The following CAPZB variants were observed in gnomAD, a reference collection of about 807,000 sequenced individuals.
The protein encoded by CAPZB is capping actin protein of muscle Z-line subunit beta, also known as F-actin-capping protein subunit beta.
CAPZB carries 2 observed loss-of-function variants against 38.1 expected under a neutral mutation model. The observed-to-expected ratio is 0.05, with a 90% CI of 0.02 to 0.17. CAPZB has a LOEUF of 0.17. Among genes scored for constraint, CAPZB ranks in the 10% least tolerant of loss-of-function variants. The pLI, the probability that CAPZB is intolerant of heterozygous loss-of-function variation, is 1.00. For missense variants in CAPZB, 161 were observed against 334.2 expected, an observed-to-expected ratio of 0.48 and a Z score of 4.04; for synonymous variants, 107 against 127.4, an observed-to-expected ratio of 0.84 and a Z score of 1.08.
intron 1 of CAPZB, among the ~76,000 whole-genome samples, chr1:19,469,410 T>C (rs1444648452): frequency 6.6e-6 from 1 of 152,140 alleles, no homozygotes; most frequent in Admixed American, 6.5e-5. Context: ...GTGAGGAAAC[T>C]TAAAGAAAAA....
intron 1 of CAPZB, among the ~76,000 whole-genome samples, chr1:19,433,103 A>C (rs1407099169): frequency 6.6e-6 from 1 of 152,204 alleles, no homozygotes; most frequent in African/African-American, 2.4e-5. Context: ...TCTGATCATT[A>C]ATGTTTCACA....
At chr1:19,355,247 A>G (rs2094014076) in intron 6 of CAPZB, among the ~76,000 whole-genome samples, 2 of 152,130 alleles carry the variant, frequency 1.3e-5, no homozygotes, top group Admixed American at 6.5e-5. Flanking sequence ...TAATCCCAAC[A>G]CTTTGGGAGA....
At chr1:19,378,836 A>G (rs915682109) in intron 3 of CAPZB, among the ~76,000 whole-genome samples, 183 bp from the exon 4 acceptor site, 9 of 152,194 alleles carry the variant, frequency 5.9e-5, no homozygotes, top group African/African-American at 1.4e-4. Flanking sequence ...AAGGGCTCTG[A>G]TGCGGGCAGA....
chr1:19,478,197 A>G (rs1276034961), intron 1 of CAPZB, among the ~76,000 whole-genome samples: 1 of 152,174 alleles, frequency 6.6e-6, no homozygotes, highest in African/African-American at 2.4e-5. Context: ...GCCCCTTAAG[A>G]CCACTCTCCT....
At chr1:19,407,797 C>A (rs1203502947) in intron 2 of CAPZB, among the ~76,000 whole-genome samples, 1 of 152,174 alleles carries the variant, frequency 6.6e-6, no homozygotes, top group African/African-American at 2.4e-5. Flanking sequence ...GTCAGCTCCT[C>A]ATTCAGGGAG....
At chr1:19,381,684 A>ATTTTT (rs869210528) in intron 3 of CAPZB, among the ~76,000 whole-genome samples, 2 of 84,534 alleles carry the variant, frequency 2.4e-5, no homozygotes, top group African/African-American at 4.8e-5. Context: ...TGCCCAGCTA[A>ATTTTT]TTTTTTTTTT....
At chr1:19,473,916 C>A (rs1051763210) in intron 1 of CAPZB, among the ~76,000 whole-genome samples, 1 of 151,932 alleles carries the variant, frequency 6.6e-6, no homozygotes, top group Non-Finnish European at 1.5e-5. Context: ...AATAGCATGA[C>A]AAATGATGGA....
intron 1 of CAPZB, among the ~76,000 whole-genome samples, chr1:19,474,509 C>A (rs1224546695): frequency 1.3e-5 from 2 of 152,172 alleles, no homozygotes; most frequent in Non-Finnish European, 2.9e-5. Flanking sequence ...TTTCTTCCTG[C>A]ATTCCTTTAT....
chr1:19,464,170 G>A (rs929274303), intron 1 of CAPZB, among the ~76,000 whole-genome samples: 2 of 149,762 alleles, frequency 1.3e-5, no homozygotes, highest in Non-Finnish European at 3.0e-5. Flanking sequence ...CTGGGCAACA[G>A]AGCAAGACTC....
intron 8 of CAPZB, among the ~76,000 whole-genome samples, chr1:19,343,555 A>G (rs1165756283): frequency 6.6e-6 from 1 of 152,218 alleles, no homozygotes; most frequent in Non-Finnish European, 1.5e-5. Context: ...CTCTGCGAGG[A>G]GTGCCAGAGG....
intron 1 of CAPZB, 127 bp downstream of exon 1, chr1:19,485,309 G>A (rs1275002303): frequency 2.0e-5 from 12 of 602,688 alleles, no homozygotes; most frequent in Non-Finnish European, 2.7e-5. Flanking sequence ...GGTCCACCCA[G>A]GGTCCGGGAC....
intron 1 of CAPZB, among the ~76,000 whole-genome samples, chr1:19,476,221 T>TAGACAGACAGACAGAC (rs1198702925): frequency 7.6e-4 from 27 of 35,686 alleles, no homozygotes; most frequent in African/African-American, 1.4e-3. Context: ...GATAGATAGA[T>TAGACAGACAGACAGAC]AGATAGGCAG....
chr1:19,441,690 A>AG (rs946768090), intron 1 of CAPZB, among the ~76,000 whole-genome samples: 7 of 151,926 alleles, frequency 4.6e-5, no homozygotes. Flanking sequence ...AAAAAAAAAA[A>AG]AACAGCAGCA....
At chr1:19,403,140 C>T (rs2094312170) in intron 2 of CAPZB, among the ~76,000 whole-genome samples, 1 of 152,210 alleles carries the variant, frequency 6.6e-6, no homozygotes, top group Non-Finnish European at 1.5e-5. Flanking sequence ...AAAGACACAA[C>T]TATTCTGTTG....
Position 19,428,762 on chromosome 1 carries a change from G to C in CAPZB, c.4-9012C>G, listed in dbSNP as rs6692727. Among the ~76,000 whole-genome samples, 3 of 151,988 alleles carry C rather than the reference G, an allele frequency of 2.0e-5. No individual in the cohort carries two copies. In the East Asian group the frequency reaches 5.8e-4, roughly 29 times the overall value. ...GCTCTGCCCCGAGCCCTTCTCCCCC[G>C]TGAGTCTTTCATCCAGGGACTGTGT... On this transcript the variant is annotated intron_variant, in intron 1 of 8. Coordinates refer to ENST00000264202, the MANE Select transcript of CAPZB (RefSeq NM_004930.5).
intron 1 of CAPZB, among the ~76,000 whole-genome samples, chr1:19,451,085 C>G (rs1430284206): frequency 1.3e-5 from 2 of 152,208 alleles, no homozygotes; most frequent in East Asian, 3.8e-4. Flanking sequence ...CACTGCAGGG[C>G]AAACTGATAT....
At chr1:19,405,466 T>C (rs2094326405) in intron 2 of CAPZB, among the ~76,000 whole-genome samples, 1 of 141,484 alleles carries the variant, frequency 7.1e-6, no homozygotes, top group Non-Finnish European at 1.5e-5. Context: ...GAAGAAGTAT[T>C]AAGCCTCTTT....
intron 1 of CAPZB, among the ~76,000 whole-genome samples, chr1:19,437,267 C>T (rs2094461175): frequency 6.6e-6 from 1 of 152,138 alleles, no homozygotes; most frequent in African/African-American, 2.4e-5. Context: ...GTCACAAGTC[C>T]TCAGCCTGTG....
At chr1:19,475,088 C>A (rs185324436) in intron 1 of CAPZB, among the ~76,000 whole-genome samples, 1 of 152,188 alleles carries the variant, frequency 6.6e-6, no homozygotes, top group Non-Finnish European at 1.5e-5. Context: ...TCTAATAACA[C>A]ACTACGAGTC....
Sources: allele counts gnomAD v4.1 joint callset (sites outside exome capture counted in the v4.1 genomes callset), GRCh38; gene constraint gnomAD v4.1.1; transcripts MANE v1.5; gene names NCBI Gene and HGNC (gene_info 2026-07-23, HGNC 2026-07-21).